Variants in ALDH4A1 observed in about 807,000 individuals in gnomAD.
ALDH4A1 encodes the protein aldehyde dehydrogenase 4 family member A1, also known as delta-1-pyrroline-5-carboxylate dehydrogenase, mitochondrial.
Under a neutral mutation model 70.5 loss-of-function variants are expected in ALDH4A1, and 46 were observed. The ratio of observed to expected loss-of-function variants is 0.65; its 90% CI spans 0.51 to 0.83. ALDH4A1 has a LOEUF of 0.83. Ranked by LOEUF, ALDH4A1 falls within the 40% of genes least tolerant of loss-of-function variation. ALDH4A1 has a pLI of 0.00. For synonymous variants in ALDH4A1, 323 were observed against 324.3 expected (o/e 1.00, Z 0.04); for missense variants, 749 against 766.5 (o/e 0.98, Z 0.27).
At chr1:18,890,950 G>A in intron 1 of ALDH4A1, 1 of 956,634 alleles carries the variant, frequency 1.0e-6, no homozygotes, top group Non-Finnish European at 1.2e-6. Context: ...TGAACTTGGA[G>A]AGCTGCCCTG....
Position 18,902,530 on chromosome 1 carries a change from T to C in ALDH4A1, c.-7A>G, listed in dbSNP as rs9426679. On this transcript the variant is annotated 5_prime_UTR_variant, in exon 1 of 15. Coordinates refer to ENST00000375341, the MANE Select transcript of ALDH4A1 (RefSeq NM_003748.4). ...CGGGCGCCGGCAGCAGCATCTCGGG[T>C]TAGAAGCGGGGCTGTTCGCTGGATC... 45,575 of 1,484,726 alleles carry C rather than the reference T, an allele frequency of 0.031. 826 individuals are homozygous for C. Among genetic ancestry groups the C allele is most frequent in the Middle Eastern group, 0.066 (380 of 5,780 alleles). The allele number at this position is 1,484,726 out of a possible 1,614,324, so 92.0% of individuals were successfully genotyped here. A position where few individuals can be genotyped will look rare whatever the true frequency, so the allele number is the denominator to read the frequency against.
At chr1:18,900,112 C>T (rs924714358) in intron 1 of ALDH4A1, among the ~76,000 whole-genome samples, 3 of 151,920 alleles carry the variant, frequency 2.0e-5, no homozygotes, top group African/African-American at 7.3e-5. Flanking sequence ...TATTTTTTTG[C>T]CTTATCTGTA....
Position 18,898,612 on chromosome 1 carries a change from C to T in ALDH4A1, c.62+3850G>A, listed in dbSNP as rs1021856211. 2.0e-5 allele frequency among the ~76,000 whole-genome samples: 3 copies of T among 152,208 alleles called. No individual in the cohort carries two copies. The highest frequency in any genetic ancestry group is 4.4e-5 in the Non-Finnish European group (3 of 68,032). On this transcript the variant is annotated intron_variant, in intron 1 of 14. Coordinates refer to ENST00000375341, the MANE Select transcript of ALDH4A1 (RefSeq NM_003748.4). This position sits in a 1 kb window ranked among gnomAD's most constrained non-coding sequence, Gnocchi z 4.3. ...TCCATGTATGAGACCATTTAACACG[C>T]AGGACAATCCTATGAGGTGACTACT... is the stretch of plus-strand genomic sequence containing the variant.
intron 1 of ALDH4A1, among the ~76,000 whole-genome samples, chr1:18,894,152 C>T (rs531064204): frequency 2.0e-5 from 3 of 152,324 alleles, no homozygotes; most frequent in South Asian, 4.1e-4. Flanking sequence ...GACAAATGGG[C>T]TCCCAGATGC....
At position 18,879,373 on chromosome 1, in the gene ALDH4A1, G is replaced by A. The variant is rs369807581; in HGVS notation, c.867C>T (p.Pro289=). The A allele has an allele frequency of 5.6e-6, 9 of 1,610,358 alleles. No homozygotes were observed. The highest frequency in any genetic ancestry group is 2.2e-5 in the East Asian group (1 of 44,786). ...LCGINFTGSV[P]TFKHLWKQVA... is the part of the protein sequence containing the mutation. ...CCTGCTTCCACAGGTGTTTGAAGGTGCTGGAACCACAGGAGAAAGGGTGGG... is the reference window on the plus strand; with the variant it reads ...CCTGCTTCCACAGGTGTTTGAAGGTACTGGAACCACAGGAGAAAGGGTGGG... The change falls in exon 9 of 15, where the codon CCC becomes CCT. Residue 289 remains proline, a splice_region_variant and synonymous_variant. Transcript: ENST00000375341.
rs116629021 is a variant in ALDH4A1, at chr1:18,874,330, G to A, written c.1579+133C>T. 1.3e-4 allele frequency: 108 copies of A among 817,330 alleles called. No homozygotes were observed. In the African/African-American group the frequency reaches 1.7e-3, roughly 13 times the overall value. 50.6% of individuals were successfully genotyped at this position (817,330 alleles called of 1,614,324 possible). A position where few individuals can be genotyped will look rare whatever the true frequency, so the allele number is the denominator to read the frequency against. Reference sequence around the variant, plus strand: ...AGTTTGCTGAAAGGACCCTGAGCTAGTGCACTTGCTTGGCCCACAATAAGT... The same window carrying A: ...AGTTTGCTGAAAGGACCCTGAGCTAATGCACTTGCTTGGCCCACAATAAGT... On this transcript the variant is annotated intron_variant, in intron 14 of 14. Transcript: ENST00000375341.
chr1:18,882,460 C>G (rs1935019733), intron 7 of ALDH4A1: 1 of 470,336 alleles, frequency 2.1e-6, no homozygotes, highest in East Asian at 5.7e-5. Context: ...ACCTCCCCCA[C>G]AGGCCTGGGA....
rs76561256 is a variant in ALDH4A1, at chr1:18,897,232, C to T, written c.62+5230G>A. 4.1e-3 allele frequency: 1,712 copies of T among 413,388 alleles called. 11 individuals carry two copies. Among genetic ancestry groups the T allele is most frequent in the East Asian group, 0.029 (361 of 12,310 alleles). 25.6% of individuals were successfully genotyped at this position (413,388 alleles called of 1,614,324 possible). On this transcript the variant is annotated intron_variant, in intron 1 of 14. Transcript: ENST00000375341. ...CTTGTTCGGCAAATTCTCCAAAATCCAAGCAAGTCCAATATACAAAACACT... is the reference window on the plus strand; with the variant it reads ...CTTGTTCGGCAAATTCTCCAAAATCTAAGCAAGTCCAATATACAAAACACT...
At position 18,875,486 on chromosome 1, in the gene ALDH4A1, T is replaced by C. The variant is rs1177364287; in HGVS notation, c.1356A>G (p.Val452=). 4.3e-6 allele frequency: 7 copies of C among 1,613,962 alleles called. No individual in the cohort carries two copies. The highest frequency in any genetic ancestry group is 5.9e-6 in the Non-Finnish European group (7 of 1,179,996). The part of the protein sequence containing the change: ...PIMKEEIFGP[V]LSVYVYPDDK... Reference sequence around the variant, plus strand: ...CATCCGGGTAGACGTACACAGACAGTACAGGCCCGAAGATCTCCTAGGAGA... The same window carrying C: ...CATCCGGGTAGACGTACACAGACAGCACAGGCCCGAAGATCTCCTAGGAGA... Residue 452 remains valine, a synonymous_variant, in exon 13 of 15, where the codon GTA becomes GTG. Transcript: ENST00000375341.
At position 18,889,351 on chromosome 1, in the gene ALDH4A1, G is replaced by A. The variant is rs373262162; in HGVS notation, c.249+11C>T. On this transcript the variant is annotated intron_variant, in intron 3 of 14. Coordinates refer to ENST00000375341, the MANE Select transcript of ALDH4A1 (RefSeq NM_003748.4). ...GGGAGGGGCTGAGCTCTGCCCACCCGCTGGACATACCGACACTTGGTACTG... is the reference window on the plus strand; with the variant it reads ...GGGAGGGGCTGAGCTCTGCCCACCCACTGGACATACCGACACTTGGTACTG... The A allele has an allele frequency of 4.4e-5, 69 of 1,550,998 alleles. No homozygotes were observed. Among genetic ancestry groups the A allele is most frequent in the Middle Eastern group, 1.7e-4 (1 of 6,012 alleles).
intron 13 of ALDH4A1, among the ~76,000 whole-genome samples, chr1:18,875,013 G>A (rs866297490): frequency 6.6e-6 from 1 of 152,262 alleles, no homozygotes; most frequent in East Asian, 1.9e-4. Context: ...ATGTGACCCA[G>A]GTTCGAATCC....
At chr1:18,885,285 A>G (rs1286637133) in intron 5 of ALDH4A1, 188 bp downstream of exon 5, 2 of 633,254 alleles carry the variant, frequency 3.2e-6, no homozygotes, top group East Asian at 2.7e-5. Context: ...GCTCTGCACA[A>G]TCTGTCTCGC....
At chr1:18,899,344 G>A (rs559466350) in intron 1 of ALDH4A1, among the ~76,000 whole-genome samples, 8 of 152,346 alleles carry the variant, frequency 5.3e-5, no homozygotes, top group East Asian at 1.9e-4. Context: ...CAGGGGACAC[G>A]GTAGTAACCA....
rs77601391 is a variant in ALDH4A1, at chr1:18,880,770, A to G, written c.866+930T>C. On this transcript the variant is annotated intron_variant, in intron 8 of 14. Transcript: ENST00000375341. This position sits in a 1 kb window ranked among gnomAD's most constrained non-coding sequence, Gnocchi z 5.1. ...ATTTATCTATGAAATTGTCCCAATTATACAAAGTTGGGCCATCACTGTTAG... is the reference window on the plus strand; with the variant it reads ...ATTTATCTATGAAATTGTCCCAATTGTACAAAGTTGGGCCATCACTGTTAG... Among the ~76,000 whole-genome samples, 4,119 of 152,308 alleles carry G rather than the reference A, an allele frequency of 0.027. 68 individuals are homozygous for G. Among genetic ancestry groups the G allele is most frequent in the Middle Eastern group, 0.058 (17 of 294 alleles).
At chr1:18,875,547 ACCAGGGCCCTGAGCCCTC>A in intron 12 of ALDH4A1, 44 bp from the exon 13 acceptor site, 1 of 1,613,240 alleles carries the variant, frequency 6.2e-7, no homozygotes, top group Non-Finnish European at 8.5e-7. Context: ...GGGACCAGGG[ACCAGGGCCCTGAGCCCTC>A]CCAGTGCCCC....
rs771971715 is a variant in ALDH4A1, at chr1:18,879,361, G to A, written c.879C>T (p.His293=). ...GGTTCTGGGCCACCTGCTTCCACAG[G>A]TGTTTGAAGGTGCTGGAACCACAGG... The part of the protein sequence containing the change: ...NFTGSVPTFK[H]LWKQVAQNLD... The change falls in exon 9 of 15, where the codon CAC becomes CAT. Residue 293 remains histidine, a synonymous_variant. Transcript: ENST00000375341. The A allele has an allele frequency of 6.2e-7, 1 of 1,611,002 alleles. No individual in the cohort carries two copies. Among genetic ancestry groups the A allele is most frequent in the Non-Finnish European group, 8.5e-7 (1 of 1,178,834 alleles).
chr1:18,877,677 A>C, intron 9 of ALDH4A1, 65 bp from the exon 10 acceptor site: 7 of 1,472,264 alleles, frequency 4.8e-6, no homozygotes, highest in Non-Finnish European at 6.6e-6. Flanking sequence ...CAGGGGCCCA[A>C]AACACCACCT....
At chr1:18,892,033 A>G (rs79837579) in intron 1 of ALDH4A1, among the ~76,000 whole-genome samples, 1 of 142,962 alleles carries the variant, frequency 7.0e-6, no homozygotes, top group Admixed American at 6.8e-5. Context: ...ATCTCAAGGA[A>G]AAAAAAAAAA....
chr1:18,879,226 T>C, intron 9 of ALDH4A1, 74 bp downstream of exon 9: 1 of 1,430,288 alleles, frequency 7.0e-7, no homozygotes, highest in East Asian at 2.5e-5. Flanking sequence ...CCCCTCTACC[T>C]CCCTCCTCTT....
Sources: allele counts gnomAD v4.1 joint callset (sites outside exome capture counted in the v4.1 genomes callset), GRCh38; gene constraint gnomAD v4.1.1; non-coding constraint Gnocchi (gnomAD v3.1); transcripts MANE v1.5; gene names NCBI Gene and HGNC (gene_info 2026-07-23, HGNC 2026-07-21).